The following RIMS2 variants were observed in gnomAD, a reference collection of about 807,000 sequenced individuals.
RIMS2 encodes regulating synaptic membrane exocytosis protein 2.
A neutral mutation model predicts 174.4 loss-of-function variants in RIMS2; 59 were observed. The ratio of observed to expected loss-of-function variants is 0.34; its 90% CI spans 0.27 to 0.42. RIMS2 has a LOEUF of 0.42. RIMS2 is among the 10% of genes least tolerant of loss of function. The pLI is 1.00. For missense variants in RIMS2, 1,620 were observed against 1,666.3 expected (o/e 0.97, Z 0.48); for synonymous variants, 606 against 572.5 (o/e 1.06, Z -0.84).
At chr8:103,526,804 G>A (rs1490087779) in intron 1 of RIMS2, among the ~76,000 whole-genome samples, 1 of 152,116 alleles carries the variant, frequency 6.6e-6, no homozygotes, top group East Asian at 1.9e-4. Flanking sequence ...TATAGTTGGA[G>A]TTTCAGAAGG....
intron 2 of RIMS2, among the ~76,000 whole-genome samples, chr8:103,731,811 C>CA (rs2097599369): frequency 6.6e-6 from 1 of 152,114 alleles, no homozygotes; most frequent in Admixed American, 6.5e-5. Context: ...TCATTTCAAT[C>CA]TCTTTGTTAA....
At position 103,932,052 on chromosome 8, in the gene RIMS2, T is replaced by C. The variant is rs143612510; in HGVS notation, c.2375+659T>C. On this transcript the variant is annotated intron_variant, in intron 12 of 23. Coordinates refer to ENST00000504942, the Ensembl canonical transcript of RIMS2. ...TGAAAACAAATCTAATCACTCTGAATTTCAGGCATATAAAAAATAAAAGAG... is the reference window on the plus strand; with the variant it reads ...TGAAAACAAATCTAATCACTCTGAACTTCAGGCATATAAAAAATAAAAGAG... 9.9e-5 allele frequency among the ~76,000 whole-genome samples: 15 copies of C among 152,266 alleles called. No individual in the cohort carries two copies. The East Asian group carries it at 2.7e-3, about 27-fold the overall frequency.
chr8:103,696,905 A>G (rs929765201), intron 1 of RIMS2, among the ~76,000 whole-genome samples, 181 bp from the exon 4 acceptor site: 3 of 150,836 alleles, frequency 2.0e-5, no homozygotes, highest in African/African-American at 4.9e-5. Context: ...ACTAGTTGCA[A>G]TACTTTTACA....
exon 13 of RIMS2, chr8:103,936,565 G>A: frequency 6.4e-7 from 1 of 1,566,976 alleles, no homozygotes; most frequent in Non-Finnish European, 8.6e-7. Flanking sequence ...AAAAACAAGA[G>A]AAGAACTAAA....
intron 19 of RIMS2, among the ~76,000 whole-genome samples, chr8:104,211,566 A>AT (rs1563777881): frequency 2.3e-5 from 3 of 130,878 alleles, no homozygotes; most frequent in African/African-American, 9.2e-5. Context: ...CCCAATGTGG[A>AT]ATTTTTTTTT....
chr8:103,888,673 T>G (rs1009255258), intron 4 of RIMS2, among the ~76,000 whole-genome samples: 1 of 151,594 alleles, frequency 6.6e-6, no homozygotes, highest in African/African-American at 2.4e-5. Flanking sequence ...ATTTTAGTAT[T>G]CTGAAGTATC....
intron 1 of RIMS2, among the ~76,000 whole-genome samples, chr8:103,582,304 A>T (rs965396496): frequency 3.3e-5 from 5 of 152,206 alleles, no homozygotes; most frequent in Admixed American, 6.5e-5. Flanking sequence ...TACATCGAGG[A>T]CCTTGGGCGA....
chr8:103,885,034 C>G (rs2099191350), intron 3 of RIMS2, among the ~76,000 whole-genome samples: 1 of 151,770 alleles, frequency 6.6e-6, no homozygotes. Flanking sequence ...TAGTTTATAG[C>G]AGTGGAATAT....
chr8:103,526,422 TAATC>T (rs1203008197), intron 1 of RIMS2, among the ~76,000 whole-genome samples: 2 of 152,068 alleles, frequency 1.3e-5, no homozygotes, highest in Non-Finnish European at 2.9e-5. Flanking sequence ...GACACAAAAA[TAATC>T]AGGCATACAA....
rs79020698 is a variant in RIMS2, at chr8:103,546,148, C to G, written c.176+45086C>G. On this transcript the variant is annotated intron_variant, in intron 1 of 23. Transcript: ENST00000504942. The stretch of plus-strand genomic sequence containing the variant: ...GTCTACAAGAGACCCATCCTACAAG[C>G]ATTGATACCCATAGGCTCAAAGTAA... 2.5e-4 allele frequency among the ~76,000 whole-genome samples: 38 copies of G among 152,270 alleles called. No individual in the cohort carries two copies. The East Asian group carries it at 4.6e-3, about 19-fold the overall frequency.
At chr8:103,990,550 G>A (rs903260629) in intron 17 of RIMS2, among the ~76,000 whole-genome samples, 10 of 152,030 alleles carry the variant, frequency 6.6e-5, no homozygotes, top group Non-Finnish European at 1.0e-4. Flanking sequence ...CATGCTACAT[G>A]TAGAAGTTGA....
intron 1 of RIMS2, among the ~76,000 whole-genome samples, chr8:103,623,889 T>G (rs146143097): frequency 7.8e-4 from 119 of 152,148 alleles, no homozygotes; most frequent in South Asian, 1.2e-3. Flanking sequence ...CTAAATATCC[T>G]CTGATGACCT....
intron 1 of RIMS2, among the ~76,000 whole-genome samples, chr8:103,693,291 GT>G (rs1336492093): frequency 2.0e-5 from 3 of 152,144 alleles, no homozygotes; most frequent in Non-Finnish European, 4.4e-5. Flanking sequence ...ATTTAAGACT[GT>G]TTTTTCTACC....
chr8:103,964,075 TG>T (rs2091055044), intron 15 of RIMS2, among the ~76,000 whole-genome samples: 1 of 152,228 alleles, frequency 6.6e-6, no homozygotes, highest in African/African-American at 2.4e-5. Flanking sequence ...ATTCATCTGC[TG>T]AAGGACATCT....
intron 17 of RIMS2, chr8:103,998,204 C>T (rs752258688): frequency 1.4e-5 from 22 of 1,607,680 alleles, no homozygotes; most frequent in Middle Eastern, 1.6e-4. Context: ...TACTCTACCT[C>T]GCTCCAGATA....
intron 3 of RIMS2, among the ~76,000 whole-genome samples, chr8:103,836,299 C>G (rs1318510085): frequency 6.6e-6 from 1 of 152,032 alleles, no homozygotes; most frequent in Non-Finnish European, 1.5e-5. Flanking sequence ...GTTTGTAACC[C>G]CACCCCTTTG....
At chr8:103,740,818 T>C (rs905320697) in intron 2 of RIMS2, among the ~76,000 whole-genome samples, 1 of 152,164 alleles carries the variant, frequency 6.6e-6, no homozygotes, top group Non-Finnish European at 1.5e-5. Flanking sequence ...TCAATTAGCC[T>C]TAAAAATGAA....
At chr8:103,896,593 G>T (rs145846539) in intron 4 of RIMS2, among the ~76,000 whole-genome samples, 1 of 151,638 alleles carries the variant, frequency 6.6e-6, no homozygotes, top group Non-Finnish European at 1.5e-5. Context: ...ACCACCTTTT[G>T]CATGATTTTG....
intron 14 of RIMS2, 149 bp from the exon 17 acceptor site, chr8:103,960,916 C>CAAAAAAAAA: frequency 1.6e-6 from 1 of 614,040 alleles, no homozygotes; most frequent in Non-Finnish European, 2.9e-6. Context: ...AAATAAATGA[C>CAAAAAAAAA]AAAAAGCTCA....
Sources: gnomAD v4.1 joint callset for allele counts (sites outside exome capture counted in the v4.1 genomes callset) on GRCh38, gnomAD v4.1.1 for gene constraint, MANE v1.5 for transcripts, NCBI Gene and HGNC (gene_info 2026-07-23, HGNC 2026-07-21) for gene names.